Variants in SLC44A5 observed in about 807,000 individuals in gnomAD.
The protein encoded by SLC44A5 is solute carrier family 44 member 5, also known as choline transporter-like protein 5.
A neutral mutation model predicts 101.8 loss-of-function variants in SLC44A5; 57 were observed. The observed-to-expected ratio is 0.56, with a 90% CI of 0.45 to 0.70. The LOEUF (loss-of-function observed/expected upper bound fraction) is 0.70, where lower values mean the gene tolerates loss of function less well. SLC44A5 is among the 30% of genes least tolerant of loss of function. SLC44A5 has a pLI of 0.00. For missense variants in SLC44A5, 737 were observed against 853.1 expected, an observed-to-expected ratio of 0.86 and a Z score of 1.70; for synonymous variants, 281 against 290.9, an observed-to-expected ratio of 0.97 and a Z score of 0.35.
At chr1:75,264,805 A>G (rs1650854196) in intron 6 of SLC44A5, among the ~76,000 whole-genome samples, 1 of 152,160 alleles carries the variant, frequency 6.6e-6, no homozygotes, top group Admixed American at 6.5e-5. Flanking sequence ...TAGAGATTAA[A>G]AAACAATGGA....
chr1:75,573,741 T>C (rs1673212221), intron 1 of SLC44A5, among the ~76,000 whole-genome samples: 1 of 151,988 alleles, frequency 6.6e-6, no homozygotes, highest in African/African-American at 2.4e-5. Context: ...CCAGTAAGTA[T>C]CAGGTAAATT....
intron 16 of SLC44A5, 132 bp downstream of exon 16, chr1:75,219,125 C>T: frequency 1.5e-6 from 1 of 679,776 alleles, no homozygotes; most frequent in South Asian, 1.8e-5. Context: ...GCACACTCCC[C>T]ACTTCAGCAC....
At chr1:75,214,300 C>A (rs932389477) in intron 20 of SLC44A5, among the ~76,000 whole-genome samples, 1 of 151,868 alleles carries the variant, frequency 6.6e-6, no homozygotes, top group African/African-American at 2.4e-5. Context: ...TTCACTCAGG[C>A]TCCACCAATT....
At chr1:75,708,409 G>A in the SLC44A5 span, among the ~76,000 whole-genome samples, 9 of 67,744 alleles carry the variant, frequency 1.3e-4, no homozygotes, top group East Asian at 2.3e-3. Flanking sequence ...GCAAGACTCC[G>A]TCTCAAAAAA....
At chr1:75,330,167 A>ACGTATATATGCATATATATG in intron 4 of SLC44A5, among the ~76,000 whole-genome samples, 1 of 125,082 alleles carries the variant, frequency 8.0e-6, no homozygotes, top group African/African-American at 3.6e-5. Flanking sequence ...GCATATATAT[A>ACGTATATATGCATATATATG]CGTATATATG....
intron 2 of SLC44A5, among the ~76,000 whole-genome samples, chr1:75,456,616 GGA>G (rs1224812811): frequency 1.3e-5 from 2 of 152,160 alleles, no homozygotes; most frequent in African/African-American, 4.8e-5. Context: ...GTTTTCACTT[GGA>G]GTTTTCTTCC....
At chr1:75,620,974 A>G in the SLC44A5 span, among the ~76,000 whole-genome samples, 1 of 152,098 alleles carries the variant, frequency 6.6e-6, no homozygotes, top group Non-Finnish European at 1.5e-5. Context: ...TAGGTCTTAC[A>G]TTTAAGTCTT....
the SLC44A5 span, among the ~76,000 whole-genome samples, chr1:75,642,809 G>A: frequency 6.6e-6 from 1 of 152,092 alleles, no homozygotes; most frequent in African/African-American, 2.4e-5. Flanking sequence ...AGTGGGGGTA[G>A]GGGAGAATTC....
intron 16 of SLC44A5, 62 bp from the exon 17 acceptor site, chr1:75,218,814 C>A: frequency 6.8e-7 from 1 of 1,460,098 alleles, no homozygotes; most frequent in East Asian, 2.3e-5. Context: ...ATAACAACTC[C>A]CTGTGTTTTC....
chr1:75,631,342 G>C, the SLC44A5 span, among the ~76,000 whole-genome samples: 1 of 151,912 alleles, frequency 6.6e-6, no homozygotes, highest in Non-Finnish European at 1.5e-5. Context: ...ATTACTGCTA[G>C]GGTATCTGTG....
At chr1:75,577,209 C>T (rs1308228110) in intron 1 of SLC44A5, among the ~76,000 whole-genome samples, 2 of 152,216 alleles carry the variant, frequency 1.3e-5, no homozygotes, top group Non-Finnish European at 2.9e-5. Context: ...TCCTACTTGA[C>T]CTCCTCTTCT....
At chr1:75,458,382 C>T (rs548021693) in intron 2 of SLC44A5, among the ~76,000 whole-genome samples, 3 of 152,236 alleles carry the variant, frequency 2.0e-5, no homozygotes, top group African/African-American at 7.2e-5. Context: ...GAATCTTGAG[C>T]TGTATCCTAC....
intron 1 of SLC44A5, among the ~76,000 whole-genome samples, chr1:75,600,526 A>T (rs180936394): frequency 1.2e-3 from 187 of 152,100 alleles, no homozygotes; most frequent in Admixed American, 2.9e-3. Context: ...TTTATTTATT[A>T]ATCTTGTTTC....
intron 5 of SLC44A5, among the ~76,000 whole-genome samples, chr1:75,288,023 A>T (rs1202945862): frequency 3.3e-5 from 5 of 152,142 alleles, no homozygotes; most frequent in African/African-American, 7.2e-5. Flanking sequence ...CAGGAGCTGG[A>T]TGGGGCCATG....
At chr1:75,679,630 A>C in the SLC44A5 span, among the ~76,000 whole-genome samples, 1 of 152,160 alleles carries the variant, frequency 6.6e-6, no homozygotes, top group East Asian at 1.9e-4. Context: ...CATGGAAAGG[A>C]ACAACTGGTA....
At chr1:75,508,022 T>C (rs967509982) in intron 2 of SLC44A5, among the ~76,000 whole-genome samples, 2 of 152,084 alleles carry the variant, frequency 1.3e-5, no homozygotes, top group African/African-American at 2.4e-5. Flanking sequence ...ACTTCATCAA[T>C]TGGATATCTA....
intron 3 of SLC44A5, among the ~76,000 whole-genome samples, chr1:75,390,915 C>T (rs1295573405): frequency 2.6e-5 from 4 of 152,104 alleles, no homozygotes; most frequent in Non-Finnish European, 5.9e-5. Context: ...TCCATCTCCA[C>T]TGAAGATAGA....
intron 1 of SLC44A5, among the ~76,000 whole-genome samples, chr1:75,609,444 G>T (rs1019946896): frequency 2.0e-5 from 3 of 151,926 alleles, no homozygotes; most frequent in African/African-American, 7.3e-5. Flanking sequence ...ATTTTTGATG[G>T]TGAGAATAAA....
At chr1:75,638,547 C>A in the SLC44A5 span, among the ~76,000 whole-genome samples, 1 of 151,962 alleles carries the variant, frequency 6.6e-6, no homozygotes, top group Non-Finnish European at 1.5e-5. Context: ...AACGAAAGAG[C>A]CCAGGCTGTG....
Sources: gnomAD v4.1 joint callset for allele counts (sites outside exome capture counted in the v4.1 genomes callset) on GRCh38, gnomAD v4.1.1 for gene constraint, MANE v1.5 for transcripts, NCBI Gene and HGNC (gene_info 2026-07-23, HGNC 2026-07-21) for gene names.